The following CDH12 variants were observed in gnomAD, a reference collection of about 807,000 sequenced individuals.
CDH12 encodes the protein cadherin-12.
A neutral mutation model predicts 74.1 loss-of-function variants in CDH12; 41 were observed. The ratio of observed to expected loss-of-function variants is 0.55; its 90% CI spans 0.43 to 0.72. The LOEUF is 0.72. Among genes scored for constraint, CDH12 ranks in the 30% least tolerant of loss-of-function variants. The pLI is 0.00. For synonymous variants in CDH12, 399 were observed against 355.0 expected (o/e 1.12, Z -1.39); for missense variants, 945 against 977.2 (o/e 0.97, Z 0.44).
intron 5 of CDH12, among the ~76,000 whole-genome samples, chr5:21,986,847 T>C (rs1757537040): frequency 1.3e-5 from 2 of 152,136 alleles, no homozygotes; most frequent in African/African-American, 4.8e-5. Flanking sequence ...TATCGAATAT[T>C]ATATACTATG....
intron 5 of CDH12, among the ~76,000 whole-genome samples, chr5:21,984,632 C>T (rs954159816): frequency 2.2e-4 from 33 of 152,138 alleles, no homozygotes; most frequent in Admixed American, 1.1e-3. Flanking sequence ...ATCAGAATTA[C>T]GGGTTGTTAT....
chr5:22,588,046 A>G (rs1226921346), intron 1 of CDH12, among the ~76,000 whole-genome samples: 1 of 149,894 alleles, frequency 6.7e-6, no homozygotes, highest in African/African-American at 2.4e-5. Context: ...ACACATATAT[A>G]TGTGTGTATA....
intron 3 of CDH12, among the ~76,000 whole-genome samples, chr5:22,385,817 AG>A (rs1741971277): frequency 6.6e-6 from 1 of 151,654 alleles, no homozygotes; most frequent in Non-Finnish European, 1.5e-5. Context: ...TCATGGCAGA[AG>A]GGGAAGCAGG....
At chr5:21,848,511 T>G (rs1379418994) in intron 7 of CDH12, among the ~76,000 whole-genome samples, 1 of 152,044 alleles carries the variant, frequency 6.6e-6, no homozygotes, top group Non-Finnish European at 1.5e-5. Flanking sequence ...GAGTTTCATT[T>G]CATTTTAGTG....
chr5:22,241,434 G>A (rs1208580504), intron 3 of CDH12, among the ~76,000 whole-genome samples: 5 of 151,986 alleles, frequency 3.3e-5, no homozygotes, highest in Non-Finnish European at 7.4e-5. Context: ...AAGATATGGT[G>A]TCAATCAAAC....
At chr5:22,130,977 T>C (rs1746150750) in intron 4 of CDH12, among the ~76,000 whole-genome samples, 1 of 152,130 alleles carries the variant, frequency 6.6e-6, no homozygotes, top group Admixed American at 6.6e-5. Flanking sequence ...CTCAGCATCT[T>C]GTTTTTTGAA....
chr5:22,675,661 G>A (rs1035525060), intron 1 of CDH12, among the ~76,000 whole-genome samples: 2 of 151,736 alleles, frequency 1.3e-5, no homozygotes, highest in Non-Finnish European at 2.9e-5. Context: ...CCCTGCACAA[G>A]CTCTCTTCTT....
At chr5:21,876,191 G>A (rs1397137732) in intron 6 of CDH12, among the ~76,000 whole-genome samples, 1 of 151,942 alleles carries the variant, frequency 6.6e-6, no homozygotes, top group East Asian at 1.9e-4. Flanking sequence ...ACCACACCCG[G>A]CCCTTTGTTT....
chr5:22,306,334 GA>G (rs910964528), intron 3 of CDH12, among the ~76,000 whole-genome samples: 35 of 150,258 alleles, frequency 2.3e-4, no homozygotes, highest in African/African-American at 8.1e-4. Context: ...GTGGTATAAG[GA>G]AAAAAAATAA....
intron 5 of CDH12, among the ~76,000 whole-genome samples, chr5:22,026,328 G>A (rs1218989475): frequency 6.6e-6 from 1 of 152,078 alleles, no homozygotes; most frequent in African/African-American, 2.4e-5. Flanking sequence ...CCCTGCTTTA[G>A]GTACAGATGA....
rs534613665 is a variant in CDH12, at chr5:21,915,725, T to C, written c.526+59366A>G. On this transcript the variant is annotated intron_variant, in intron 6 of 14. Coordinates refer to ENST00000382254, the MANE Select transcript of CDH12 (RefSeq NM_004061.5). ...GGAAAATGAGTAATGGTGTAGGGTA[T>C]GGAGGGAGGTCATGCTCAAGAAAAC... Among the ~76,000 whole-genome samples, 239 of 151,880 alleles carry C rather than the reference T, an allele frequency of 1.6e-3. 2 individuals are homozygous for C. Among genetic ancestry groups the C allele is most frequent in the Non-Finnish European group, 2.1e-3 (146 of 67,976 alleles).
chr5:22,851,944 C>T (rs1287382893), intron 1 of CDH12, among the ~76,000 whole-genome samples: 2 of 152,190 alleles, frequency 1.3e-5, no homozygotes, highest in Non-Finnish European at 2.9e-5. Context: ...TATAACCTTA[C>T]AACTGCTCAG....
chr5:22,095,657 A>G (rs1041510233), intron 4 of CDH12, among the ~76,000 whole-genome samples: 23 of 151,644 alleles, frequency 1.5e-4, no homozygotes, highest in African/African-American at 5.1e-4. Context: ...CTAGGGGGCA[A>G]GAACCCCCCA....
intron 1 of CDH12, among the ~76,000 whole-genome samples, chr5:22,772,984 A>G (rs1746891493): frequency 6.6e-6 from 1 of 152,140 alleles, no homozygotes; most frequent in South Asian, 2.1e-4. Flanking sequence ...ACTACGAAAC[A>G]CTGTTGAAAG....
intron 4 of CDH12, among the ~76,000 whole-genome samples, chr5:22,133,341 T>C (rs780060973): frequency 3.9e-5 from 6 of 152,120 alleles, no homozygotes; most frequent in Non-Finnish European, 5.9e-5. Context: ...GAATGATCAT[T>C]AGTGAATTCT....
chr5:22,103,562 A>T (rs146337563), intron 4 of CDH12, among the ~76,000 whole-genome samples: 130 of 152,342 alleles, frequency 8.5e-4, no homozygotes, highest in African/African-American at 2.8e-3. Flanking sequence ...CTGCAAGCAG[A>T]ATCCTTATCG....
At chr5:22,699,620 G>A (rs1030098911) in intron 1 of CDH12, among the ~76,000 whole-genome samples, 11 of 152,150 alleles carry the variant, frequency 7.2e-5, no homozygotes, top group African/African-American at 2.4e-4. Flanking sequence ...ATGATTTTCC[G>A]AGATACACAA....
At chr5:22,502,595 G>GAT (rs933072006) in intron 2 of CDH12, among the ~76,000 whole-genome samples, 49 of 151,654 alleles carry the variant, frequency 3.2e-4, no homozygotes, top group Admixed American at 2.8e-3. Context: ...CAAAAGATCT[G>GAT]ATATATATAT....
At chr5:22,386,344 A>T (rs1011725846) in intron 3 of CDH12, among the ~76,000 whole-genome samples, 1 of 152,176 alleles carries the variant, frequency 6.6e-6, no homozygotes, top group African/African-American at 2.4e-5. Context: ...TCAGAGACAC[A>T]AATCCAAGCC....
Sources: allele counts gnomAD v4.1 joint callset (sites outside exome capture counted in the v4.1 genomes callset), GRCh38; gene constraint gnomAD v4.1.1; transcripts MANE v1.5; gene names NCBI Gene and HGNC (gene_info 2026-07-23, HGNC 2026-07-21).